Variants in TENM2 observed in about 807,000 individuals in gnomAD.
The protein encoded by TENM2 is teneurin-2.
Under a neutral mutation model 245.2 loss-of-function variants are expected in TENM2, and 52 were observed. That is an observed-to-expected ratio of 0.21 (90% CI 0.17 to 0.27). The LOEUF (loss-of-function observed/expected upper bound fraction) is 0.27. TENM2 is among the 10% of genes least tolerant of loss of function. The pLI, the probability that TENM2 is intolerant of heterozygous loss-of-function variation, is 1.00. For synonymous variants in TENM2, 1,363 were observed against 1,438.9 expected (o/e 0.95, Z 1.19); for missense variants, 3,046 against 3,666.8 (o/e 0.83, Z 4.37).
chr5:168,010,167 G>A (rs1309278259), intron 5 of TENM2, among the ~76,000 whole-genome samples: 3 of 152,174 alleles, frequency 2.0e-5, no homozygotes, highest in East Asian at 1.9e-4. Context: ...ATTTTCAATG[G>A]CATTTAAATG....
chr5:167,427,179 C>G (rs1274125559), intron 2 of TENM2, among the ~76,000 whole-genome samples: 1 of 152,000 alleles, frequency 6.6e-6, no homozygotes, highest in Non-Finnish European at 1.5e-5. Flanking sequence ...AAAGGCCGGG[C>G]GCGGTGGCTC....
intron 2 of TENM2, among the ~76,000 whole-genome samples, chr5:167,446,828 G>GACAT (rs1440118206): frequency 2.0e-4 from 21 of 105,720 alleles, no homozygotes; most frequent in Non-Finnish European, 3.5e-4. Flanking sequence ...CACACACACA[G>GACAT]ACATACATAC....
chr5:167,749,100 T>C (rs1190424322), intron 2 of TENM2, among the ~76,000 whole-genome samples: 2 of 152,086 alleles, frequency 1.3e-5, no homozygotes. Flanking sequence ...GACATACTGG[T>C]TTCATTACAT....
At chr5:168,033,534 A>G (rs1562076041) in intron 5 of TENM2, among the ~76,000 whole-genome samples, 1 of 152,142 alleles carries the variant, frequency 6.6e-6, no homozygotes, top group Non-Finnish European at 1.5e-5. Flanking sequence ...TATTATCATT[A>G]TTATTAGCCT....
intron 25 of TENM2, chr5:168,230,866 CA>C (rs1764822801): frequency 6.6e-6 from 1 of 152,188 alleles, no homozygotes; most frequent in Non-Finnish European, 1.5e-5. Flanking sequence ...GCCAAAAGCA[CA>C]AAGAAAGGGA....
chr5:167,000,625 A>T, the TENM2 span, among the ~76,000 whole-genome samples: 7 of 152,132 alleles, frequency 4.6e-5, no homozygotes, highest in South Asian at 1.5e-3. Context: ...TTCTGGTCTG[A>T]TTGCTTGATT....
intron 2 of TENM2, among the ~76,000 whole-genome samples, chr5:167,470,073 G>C (rs993437379): frequency 6.6e-6 from 1 of 152,022 alleles, no homozygotes; most frequent in Non-Finnish European, 1.5e-5. Context: ...TGATCAGCAA[G>C]CCTCAAATAG....
chr5:168,003,305 A>AC (rs1263006138), intron 5 of TENM2, among the ~76,000 whole-genome samples: 1,940 of 62,834 alleles, frequency 0.031, 42 homozygotes, highest in African/African-American at 0.14. Context: ...TTTTAAGAAA[A>AC]AACACACACA....
At chr5:167,952,376 T>G (rs1337334856) in intron 3 of TENM2, 2 of 593,212 alleles carry the variant, frequency 3.4e-6, no homozygotes, top group African/African-American at 1.9e-5. Flanking sequence ...TATTCTTCAT[T>G]TGATGCGTGT....
intron 3 of TENM2, among the ~76,000 whole-genome samples, chr5:167,920,515 TCACACACACA>T (rs58866696): frequency 1.7e-3 from 225 of 129,520 alleles, no homozygotes; most frequent in African/African-American, 5.7e-3. Context: ...CGAAACTCCA[TCACACACACA>T]CACACACACA....
intron 1 of TENM2, among the ~76,000 whole-genome samples, chr5:167,342,553 C>T (rs1758176569): frequency 8.9e-6 from 1 of 112,908 alleles, no homozygotes; most frequent in Non-Finnish European, 1.6e-5. Context: ...CGGAGTCTCG[C>T]TCTGTCGCCC....
At chr5:167,352,487 C>T (rs989258726) in intron 1 of TENM2, among the ~76,000 whole-genome samples, 1 of 152,182 alleles carries the variant, frequency 6.6e-6, no homozygotes, top group Non-Finnish European at 1.5e-5. Context: ...AGTTTTGCCA[C>T]GTGATCCTCC....
chr5:167,760,063 G>C (rs1762562881), intron 2 of TENM2, among the ~76,000 whole-genome samples: 1 of 152,192 alleles, frequency 6.6e-6, no homozygotes, highest in African/African-American at 2.4e-5. Flanking sequence ...GGTAGTCACT[G>C]TAGGTATTTG....
intron 2 of TENM2, among the ~76,000 whole-genome samples, chr5:167,528,694 A>C (rs186507567): frequency 1.2e-4 from 18 of 152,300 alleles, no homozygotes; most frequent in Non-Finnish European, 2.6e-4. Context: ...TTAGCAAAGA[A>C]GATATGATTA....
chr5:167,716,340 C>T (rs1194379783), intron 2 of TENM2, among the ~76,000 whole-genome samples: 1 of 152,212 alleles, frequency 6.6e-6, no homozygotes, highest in Non-Finnish European at 1.5e-5. Flanking sequence ...GGAATACCAC[C>T]CAGTTCTCGC....
chr5:167,079,619 A>G, the TENM2 span, among the ~76,000 whole-genome samples: 1 of 151,126 alleles, frequency 6.6e-6, no homozygotes, highest in African/African-American at 2.4e-5. Flanking sequence ...GGCCTAATAT[A>G]TATTATATTA....
chr5:166,985,093 C>G, the TENM2 span, among the ~76,000 whole-genome samples: 3 of 152,040 alleles, frequency 2.0e-5, no homozygotes, highest in Admixed American at 2.0e-4. Context: ...GATTTTTGCT[C>G]TTTATGTCTA....
chr5:167,347,377 A>T (rs1758526644), intron 1 of TENM2, among the ~76,000 whole-genome samples: 5 of 152,214 alleles, frequency 3.3e-5, no homozygotes, highest in Admixed American at 3.3e-4. Context: ...CAAAATGTGC[A>T]GCAACAAAGG....
intron 2 of TENM2, among the ~76,000 whole-genome samples, chr5:167,433,117 A>T (rs35615477): frequency 0.26 from 38,325 of 149,114 alleles, 5,492 homozygotes; most frequent in African/African-American, 0.38. Context: ...TAAATATTGA[A>T]TTTTTTTTTT....
Sources: allele counts gnomAD v4.1 joint callset (sites outside exome capture counted in the v4.1 genomes callset), GRCh38; gene constraint gnomAD v4.1.1; transcripts MANE v1.5; gene names NCBI Gene and HGNC (gene_info 2026-07-23, HGNC 2026-07-21).